Variants in LIPK observed in about 807,000 individuals in gnomAD.
The protein encoded by LIPK is lipase family member K.
In LIPK, 32 loss-of-function variants were observed where a neutral mutation model predicts 48.6. That is an observed-to-expected ratio of 0.66 (90% CI 0.50 to 0.88). LIPK has a LOEUF of 0.88. Ranked by LOEUF, LIPK falls within the 40% of genes least tolerant of loss-of-function variation. The pLI, the probability that LIPK is intolerant of heterozygous loss-of-function variation, is 0.00. For synonymous variants in LIPK, 164 were observed against 157.4 expected (o/e 1.04, Z -0.32); for missense variants, 507 against 478.5 (o/e 1.06, Z -0.56).
chr10:88,713,359 A>T (rs886327113), intron 1 of LIPK, among the ~76,000 whole-genome samples: 9 of 150,926 alleles, frequency 6.0e-5, no homozygotes, highest in African/African-American at 2.0e-4. Flanking sequence ...ACCAAAAATT[A>T]TAGCTGTTAT....
At chr10:88,719,460 A>G (rs1842180604) in intron 1 of LIPK, among the ~76,000 whole-genome samples, 1 of 152,248 alleles carries the variant, frequency 6.6e-6, no homozygotes, top group African/African-American at 2.4e-5. Flanking sequence ...AAGCTCTGAC[A>G]GCTGCATTCT....
At chr10:88,746,832 C>T (rs2790696) in intron 9 of LIPK, among the ~76,000 whole-genome samples, 36,460 of 151,974 alleles carry the variant, frequency 0.24, 4,530 homozygotes, top group East Asian at 0.37. Context: ...TCACAAGTTG[C>T]TTCCTTGACA....
chr10:88,710,287 A>C (rs957990025), intron 1 of LIPK, among the ~76,000 whole-genome samples: 2 of 152,180 alleles, frequency 1.3e-5, no homozygotes, highest in African/African-American at 4.8e-5. Flanking sequence ...GAGTGGAACT[A>C]CTGGGATATA....
intron 7 of LIPK, among the ~76,000 whole-genome samples, chr10:88,738,726 G>A (rs1486427829): frequency 6.6e-6 from 1 of 152,190 alleles, no homozygotes; most frequent in Non-Finnish European, 1.5e-5. Flanking sequence ...GCTAAAGAAA[G>A]ACATCACAAA....
intron 1 of LIPK, among the ~76,000 whole-genome samples, chr10:88,718,037 C>T (rs950991611): frequency 6.6e-6 from 1 of 151,498 alleles, no homozygotes; most frequent in Non-Finnish European, 1.5e-5. Flanking sequence ...TAGGTAATAT[C>T]GATTCATTAT....
chr10:88,740,112 G>C, intron 8 of LIPK, 45 bp downstream of exon 8: 1 of 1,486,448 alleles, frequency 6.7e-7, no homozygotes, highest in Non-Finnish European at 9.3e-7. Flanking sequence ...ATCTCTGCAA[G>C]ACCCTCAAGA....
chr10:88,744,884 G>A (rs114167262), intron 9 of LIPK, among the ~76,000 whole-genome samples: 2,401 of 152,234 alleles, frequency 0.016, 66 homozygotes, highest in African/African-American at 0.055. Flanking sequence ...AAGGAATCCA[G>A]TAAAATAATT....
intron 1 of LIPK, among the ~76,000 whole-genome samples, chr10:88,707,676 G>A (rs1471789771): frequency 6.6e-6 from 1 of 152,066 alleles, no homozygotes; most frequent in Non-Finnish European, 1.5e-5. Flanking sequence ...AAGTTGCCTA[G>A]TCTTTCTTCC....
intron 7 of LIPK, among the ~76,000 whole-genome samples, 199 bp from the exon 8 acceptor site, chr10:88,739,797 G>A (rs1247298474): frequency 2.0e-5 from 3 of 152,130 alleles, no homozygotes; most frequent in Non-Finnish European, 4.4e-5. Context: ...GGAGCCTGCA[G>A]TGAGCTGAGA....
At position 88,752,504 on chromosome 10, in the gene LIPK, T is replaced by A; in HGVS notation, c.961-13T>A. On this transcript the variant is annotated splice_polypyrimidine_tract_variant and intron_variant, in intron 9 of 9. Transcript: ENST00000404190. ...CTGTAAAAACTTTTCTCTCTCTCTT[T>A]TATTGTATTTAGCTTACACCTCCTT... is the stretch of plus-strand genomic sequence containing the variant. 1 of 1,525,762 alleles carries A rather than the reference T, an allele frequency of 6.6e-7. No individual in the cohort carries two copies. The highest frequency in any genetic ancestry group is 8.9e-7 in the Non-Finnish European group (1 of 1,123,846). 94.5% of individuals were successfully genotyped at this position (1,525,762 alleles called of 1,614,324 possible).
intron 9 of LIPK, among the ~76,000 whole-genome samples, chr10:88,744,269 C>A (rs1842732102): frequency 6.6e-6 from 1 of 152,242 alleles, no homozygotes; most frequent in African/African-American, 2.4e-5. Flanking sequence ...AGGCATAGGA[C>A]AGCTTTTGCA....
chr10:88,728,633 C>T, intron 3 of LIPK: 1 of 490,412 alleles, frequency 2.0e-6, no homozygotes, highest in Non-Finnish European at 4.1e-6. Flanking sequence ...TCGAGAGCGC[C>T]ACCTACAGGA....
intron 6 of LIPK, among the ~76,000 whole-genome samples, chr10:88,733,681 C>T (rs1842513721): frequency 6.6e-6 from 1 of 152,212 alleles, no homozygotes; most frequent in South Asian, 2.1e-4. Context: ...AGTATTCCCA[C>T]ACAATTAAGA....
chr10:88,719,097 C>G (rs771386927), intron 1 of LIPK, among the ~76,000 whole-genome samples: 4 of 151,942 alleles, frequency 2.6e-5, no homozygotes, highest in Non-Finnish European at 5.9e-5. Flanking sequence ...GTTGAAGAAC[C>G]AAGACATACA....
chr10:88,711,015 T>C (rs1018557794), intron 1 of LIPK, among the ~76,000 whole-genome samples: 2 of 152,208 alleles, frequency 1.3e-5, no homozygotes, highest in Admixed American at 1.3e-4. Flanking sequence ...GTAGTATCTC[T>C]CTAGGGTTTA....
chr10:88,728,616 T>C, intron 3 of LIPK: 1 of 485,228 alleles, frequency 2.1e-6, no homozygotes, highest in Non-Finnish European at 4.1e-6. Flanking sequence ...CAAGCTGGCC[T>C]TGGGCATCGA....
intron 1 of LIPK, among the ~76,000 whole-genome samples, chr10:88,719,374 G>A (rs1045592318): frequency 5.9e-5 from 9 of 152,138 alleles, no homozygotes; most frequent in Non-Finnish European, 8.8e-5. Context: ...TACAATGTGC[G>A]GCTTCACTGG....
At position 88,737,790 on chromosome 10, in the gene LIPK, A is replaced by C. The variant is rs778036608; in HGVS notation, c.816+9A>C. On this transcript the variant is annotated intron_variant, in intron 7 of 9. Transcript: ENST00000404190. ...CGCAAAACTTAAATATGGTAGGTGT[A>C]AGTAATTGGGTCTGGGAAAACATTT... The C allele has an allele frequency of 6.2e-7, 1 of 1,613,404 alleles. No homozygotes were observed. Among genetic ancestry groups the C allele is most frequent in the Admixed American group, 1.7e-5 (1 of 60,010 alleles).
At chr10:88,728,683 C>G (rs1198516981) in intron 3 of LIPK, 2 of 460,842 alleles carry the variant, frequency 4.3e-6, no homozygotes, top group South Asian at 1.6e-5. Flanking sequence ...GAGTCTGGGA[C>G]GCAGAGCAGG....
Sources: gnomAD v4.1 joint callset for allele counts (sites outside exome capture counted in the v4.1 genomes callset) on GRCh38, gnomAD v4.1.1 for gene constraint, MANE v1.5 for transcripts, NCBI Gene and HGNC (gene_info 2026-07-23, HGNC 2026-07-21) for gene names.